Variants in ZFX observed in about 807,000 individuals in gnomAD.
ZFX encodes the protein zinc finger X-chromosomal protein.
For missense variants in ZFX, 362 were observed against 628.3 expected (o/e 0.58, Z 4.53); for synonymous variants, 196 against 226.8 (o/e 0.86, Z 1.22).
intron 5 of ZFX, among the ~76,000 whole-genome samples, chrX:24,185,451 TTTAA>T (rs1936032024): frequency 1.8e-5 from 2 of 111,753 alleles, no homozygotes; most frequent in African/African-American, 6.5e-5. Flanking sequence ...TGCATTTTAT[TTTAA>T]TTAATTTATT....
At chrX:24,186,278 G>C (rs1936105109) in intron 5 of ZFX, among the ~76,000 whole-genome samples, 1 of 111,118 alleles carries the variant, frequency 9.0e-6, no homozygotes, top group Non-Finnish European at 1.9e-5. Context: ...AATGTCTTTA[G>C]TATCCATCTT....
chrX:24,191,491 T>C (rs746110705), intron 5 of ZFX, among the ~76,000 whole-genome samples: 40 of 111,756 alleles, frequency 3.6e-4, no homozygotes, highest in African/African-American at 1.3e-3. Context: ...GCATTTGCCT[T>C]CTTGACAGAA....
chrX:24,165,119 TTTC>T (rs776738388), intron 3 of ZFX, among the ~76,000 whole-genome samples: 3 of 80,486 alleles, frequency 3.7e-5, no homozygotes, highest in Non-Finnish European at 7.2e-5. Flanking sequence ...AGAAAAATAT[TTTC>T]TTTTCTTTCT....
chrX:24,172,891 C>G, intron 4 of ZFX, 91 bp downstream of exon 4: 1 of 904,460 alleles, frequency 1.1e-6, no homozygotes, highest in Non-Finnish European at 1.5e-6. Context: ...ATTGATCATT[C>G]ACAGGTTATC....
At chrX:24,183,262 G>A (rs1935825086) in intron 5 of ZFX, among the ~76,000 whole-genome samples, 2 of 111,882 alleles carry the variant, frequency 1.8e-5, no homozygotes, top group Admixed American at 1.9e-4. Flanking sequence ...TTGGCTTACT[G>A]CAACCTCCGC....
At chrX:24,183,026 A>C (rs904515007) in intron 5 of ZFX, among the ~76,000 whole-genome samples, 10 of 111,979 alleles carry the variant, frequency 8.9e-5, no homozygotes, top group Non-Finnish European at 1.9e-4. Context: ...TCATCTGCAC[A>C]TATGGAAGGA....
chrX:24,167,506 A>C (rs890700560), intron 3 of ZFX, among the ~76,000 whole-genome samples: 1 of 112,131 alleles, frequency 8.9e-6, no homozygotes, highest in African/African-American at 3.2e-5. Context: ...GAAACACCAG[A>C]GGAGACAGTT....
At chrX:24,199,646 G>T (rs1464073370) in intron 5 of ZFX, among the ~76,000 whole-genome samples, 1 of 111,326 alleles carries the variant, frequency 9.0e-6, no homozygotes, top group African/African-American at 3.3e-5. Context: ...AGCCGGGCAC[G>T]GTGGCTCATG....
chrX:24,173,584 G>A (rs928658074), intron 4 of ZFX: 16 of 1,143,515 alleles, frequency 1.4e-5, no homozygotes, highest in East Asian at 3.3e-5. Context: ...TTACACTTGC[G>A]TTTTGGGTTT....
chrX:24,158,530 A>G (rs933673200), intron 3 of ZFX, among the ~76,000 whole-genome samples: 2 of 112,255 alleles, frequency 1.8e-5, no homozygotes, highest in Middle Eastern at 4.6e-3. Flanking sequence ...AGAAGCATTG[A>G]TAATGGGCAT....
At chrX:24,161,003 C>G (rs772490555) in intron 3 of ZFX, among the ~76,000 whole-genome samples, 1 of 111,719 alleles carries the variant, frequency 9.0e-6, no homozygotes, top group East Asian at 2.8e-4. Flanking sequence ...ACTGTTATCT[C>G]TGTGATATTT....
At chrX:24,149,401 G>A (rs182378233), upstream of ZFX, 1 of 109,864 alleles carries the variant, frequency 9.1e-6, no homozygotes, top group African/African-American at 3.3e-5. Context: ...CGGCGCGTGT[G>A]TGGCGGCGGC....
At chrX:24,185,208 T>C (rs918600609) in intron 5 of ZFX, among the ~76,000 whole-genome samples, 1 of 111,132 alleles carries the variant, frequency 9.0e-6, no homozygotes, top group African/African-American at 3.3e-5. Flanking sequence ...TTAAGCAATT[T>C]GCCCACTTCA....
chrX:24,154,244 A>C (rs757087990), intron 3 of ZFX, among the ~76,000 whole-genome samples: 3 of 111,945 alleles, frequency 2.7e-5, no homozygotes, highest in Non-Finnish European at 5.6e-5. Flanking sequence ...TACATATTTG[A>C]TTCATATCTT....
At position 24,215,734 on chromosome X, in the gene ZFX, A is replaced by G. The variant is rs761322062; in HGVS notation, c.*4358A>G. 1 of 111,359 alleles carries G rather than the reference A, an allele frequency of 9.0e-6. No homozygotes were observed. Among genetic ancestry groups the G allele is most frequent in the Non-Finnish European group, 1.9e-5 (1 of 53,099 alleles). The allele number at this position is 111,359 out of a possible 1,213,427, so 9.2% of individuals were successfully genotyped here. On this transcript the variant is annotated 3_prime_UTR_variant, in exon 10 of 10. Transcript: ENST00000304543. ...ACAAGTATGCCTTTAGCGCACATGT[A>G]AATAGCCTGCACTTCCTAAATCTCG...
intron 3 of ZFX, among the ~76,000 whole-genome samples, chrX:24,170,476 T>C: frequency 9.0e-6 from 1 of 110,583 alleles, no homozygotes; most frequent in Non-Finnish European, 1.9e-5. Flanking sequence ...AAGATTAATT[T>C]ACGTTTATCA....
intron 3 of ZFX, among the ~76,000 whole-genome samples, chrX:24,157,918 C>G (rs1321706069): frequency 9.0e-6 from 1 of 111,069 alleles, no homozygotes; most frequent in East Asian, 2.8e-4. Context: ...GCTGCCACGC[C>G]CAGCTAATTT....
At chrX:24,193,865 C>T (rs1331185834) in intron 5 of ZFX, among the ~76,000 whole-genome samples, 1 of 111,590 alleles carries the variant, frequency 9.0e-6, no homozygotes, top group Non-Finnish European at 1.9e-5. Flanking sequence ...AGTTCAGTGG[C>T]ATTAAGTGCA....
At chrX:24,150,960 TCTGTTGGTG>T (rs1249627215) in intron 1 of ZFX, 4 of 112,372 alleles carry the variant, frequency 3.6e-5, no homozygotes, top group African/African-American at 9.7e-5. Flanking sequence ...TAAGTAGTGA[TCTGTTGGTG>T]GTATTTTTTT....
Sources: allele counts gnomAD v4.1 joint callset (sites outside exome capture counted in the v4.1 genomes callset), GRCh38; gene constraint gnomAD v4.1.1; transcripts MANE v1.5; gene names NCBI Gene and HGNC (gene_info 2026-07-23, HGNC 2026-07-21).